The following INPP5J variants were observed in gnomAD, a reference collection of about 807,000 sequenced individuals.
The protein encoded by INPP5J is phosphatidylinositol 4,5-bisphosphate 5-phosphatase A.
A neutral mutation model predicts 86.6 loss-of-function variants in INPP5J; 75 were observed. The ratio of observed to expected loss-of-function variants is 0.87; its 90% CI spans 0.72 to 1.05. The LOEUF (loss-of-function observed/expected upper bound fraction) is 1.05, where lower values mean the gene tolerates loss of function less well. Ranked by LOEUF, INPP5J falls within the 50% of genes least tolerant of loss-of-function variation. INPP5J has a pLI of 0.00. For missense variants in INPP5J, 1,229 were observed against 1,341.2 expected, an observed-to-expected ratio of 0.92 and a Z score of 1.31; for synonymous variants, 540 against 550.0, an observed-to-expected ratio of 0.98 and a Z score of 0.25.
chr22:31,134,396 G>C lies in INPP5J; in HGVS notation c.2998G>C (p.Glu1000Gln), dbSNP rs1265739777. The change falls in exon 13 of 13, where the codon GAG becomes CAG. Residue 1000 changes from glutamate to glutamine, a missense_variant. Transcript: ENST00000331075. Reference sequence around the variant, plus strand: ...TAGTCCCCAGGGCCATCGGGGGCTGGAGGAAGGGGGCCTGGGGCCCTGAGG... The same window carrying C: ...TAGTCCCCAGGGCCATCGGGGGCTGCAGGAAGGGGGCCTGGGGCCCTGAGG... The part of the protein sequence containing the change: ...SPSPQGHRGL[E>Q]EGGLGP 4.1e-6 allele frequency: 6 copies of C among 1,469,546 alleles called. No homozygotes were observed. In the South Asian group the frequency reaches 7.0e-5, roughly 17 times the overall value. 91.0% of individuals were successfully genotyped at this position (1,469,546 alleles called of 1,614,324 possible).
chr22:31,134,297 G>T lies in INPP5J; in HGVS notation c.2899G>T (p.Glu967Ter), dbSNP rs776736541. 6.4e-6 allele frequency: 10 copies of T among 1,555,468 alleles called. No individual in the cohort carries two copies. Among genetic ancestry groups the T allele is most frequent in the Non-Finnish European group, 7.8e-6 (9 of 1,150,408 alleles). ...SLGLLPALRL[E>*]TVDPGGGGSW... ...GGGCCTGTTGCCCGCCTTGCGCCTA[G>T]AGACTGTAGACCCTGGTGGTGGTGG... The change falls in exon 13 of 13, where the codon GAG (glutamate) becomes TAG (stop). Residue 967 changes from glutamate (E) to a stop codon, truncating the protein, a stop_gained. Transcript: ENST00000331075. LOFTEE classifies it high-confidence loss of function.
At chr22:31,130,249 A>G (rs1210722138) in intron 9 of INPP5J, among the ~76,000 whole-genome samples, 5 of 152,136 alleles carry the variant, frequency 3.3e-5, no homozygotes, top group Non-Finnish European at 7.4e-5. Context: ...GCTGAGGCAC[A>G]AGAATCACTT....
chr22:31,126,434 C>T lies in INPP5J; in HGVS notation c.1330C>T (p.Leu444Phe). The T allele has an allele frequency of 6.2e-7, 1 of 1,613,884 alleles. No homozygotes were observed. The highest frequency in any genetic ancestry group is 8.5e-7 in the Non-Finnish European group (1 of 1,179,852). The change falls in exon 3 of 13, where the codon CTC (leucine) becomes TTC (phenylalanine). Residue 444 changes from leucine to phenylalanine, a missense_variant. Leu to Phe is a conservative substitution (Grantham distance 22, BLOSUM62 0). Transcript: ENST00000331075. ...CATGCCCCCAGACGATGTCACATCC[C>T]TCCTCCACCTGGGCGGTGGTGACGA... Reference protein sequence around the residue: ...TAMPPDDVTSLLHLGGGDDSD... With the variant: ...TAMPPDDVTSFLHLGGGDDSD...
intron 9 of INPP5J, among the ~76,000 whole-genome samples, chr22:31,131,818 C>T (rs778241901): frequency 2.0e-5 from 3 of 152,148 alleles, no homozygotes; most frequent in Admixed American, 6.5e-5. Flanking sequence ...TACCCTTGCC[C>T]GCCCCTGCTG....
rs267606225 is a variant in INPP5J, at chr22:31,128,153, C to G, written c.1900-61C>G. The G allele has an allele frequency of 2.4e-5, 35 of 1,442,538 alleles. No individual in the cohort carries two copies. The African/African-American group carries it at 4.6e-4, about 19-fold the overall frequency. 89.4% of individuals were successfully genotyped at this position (1,442,538 alleles called of 1,614,324 possible). ...GTCCCTGTCCTCACCTGCCCCACCC[C>G]CTCCCTGGGCACAGCAGAGCCCAAG... is the stretch of plus-strand genomic sequence containing the variant. On this transcript the variant is annotated intron_variant, in intron 7 of 12. Coordinates refer to ENST00000331075, the MANE Select transcript of INPP5J (RefSeq NM_001284285.2).
chr22:31,124,627 G>C (rs372293856), intron 1 of INPP5J, among the ~76,000 whole-genome samples: 37 of 152,160 alleles, frequency 2.4e-4, no homozygotes, highest in African/African-American at 8.9e-4. Flanking sequence ...CTGTGAAAGA[G>C]GTTTCAGACT....
Position 31,125,392 on chromosome 22 carries a change from T to G in INPP5J, c.653T>G (p.Leu218Arg). Residue 218 changes from leucine (L) to arginine (R), a missense_variant, in exon 2 of 13, where the codon CTG (leucine) becomes CGG (arginine). Physicochemically the swap from Leu to Arg is moderately radical, Grantham distance 102 (BLOSUM62 -2). Coordinates refer to ENST00000331075, the MANE Select transcript of INPP5J (RefSeq NM_001284285.2). The stretch of plus-strand genomic sequence containing the variant: ...CTGTCTCCAACTCAGGAACAGGCCC[T>G]GGCTCCAGCATCCACGGCATCAGGC... The part of the protein sequence containing the change: ...PVLSPTQEQA[L>R]APASTASGAA... The G allele has an allele frequency of 6.4e-7, 1 of 1,550,514 alleles. No homozygotes were observed.
In INPP5J at chr22:31,134,165, G is replaced by A. The variant is rs1411619785; in HGVS notation, c.2767G>A (p.Val923Met). 2 of 1,549,520 alleles carry A rather than the reference G, an allele frequency of 1.3e-6. No homozygotes were observed. Among genetic ancestry groups the A allele is most frequent in the African/African-American group, 1.4e-5 (1 of 73,162 alleles). Residue 923 changes from valine (V) to methionine (M), a missense_variant, in exon 13 of 13, where the codon GTG (valine) becomes ATG (methionine). Transcript: ENST00000331075. ...ACCCCAGAGCCGCCGCCTGTCCCGA[G>A]TGGCTCCTGACAGGAGCAGTAATGG... ...PSPQSRRLSR[V>M]APDRSSNGSS... is the part of the protein sequence containing the mutation.
rs1440144855 is a variant in INPP5J at position 31,123,109 on chromosome 22, C to T, written c.95C>T (p.Ala32Val). The change falls in exon 1 of 13, where the codon GCA becomes GTA. Residue 32 changes from alanine (A) to valine (V), a missense_variant. Transcript: ENST00000331075. ...PMPQGVAQTG[A>V]PSKVDSSFQL... The stretch of plus-strand genomic sequence containing the variant: ...CCCCAGGGTGTTGCCCAAACTGGGG[C>T]ACCCTCCAAGGTAAGACCCCTGAGA... 1.4e-6 allele frequency: 2 copies of T among 1,481,164 alleles called. No individual in the cohort carries two copies. The highest frequency in any genetic ancestry group is 2.7e-5 in the South Asian group (2 of 74,668). 91.8% of individuals were successfully genotyped at this position (1,481,164 alleles called of 1,614,324 possible). A position where few individuals can be genotyped will look rare whatever the true frequency, so the allele number is the denominator to read the frequency against.
chr22:31,133,521 G>T, intron 11 of INPP5J, 38 bp downstream of exon 11: 1 of 1,603,084 alleles, frequency 6.2e-7, no homozygotes, highest in South Asian at 1.1e-5. Flanking sequence ...GCAAGTCCTT[G>T]TTGCCTTTGG....
At position 31,125,619 on chromosome 22, in the gene INPP5J, G is replaced by T; in HGVS notation, c.880G>T (p.Asp294Tyr). The T allele has an allele frequency of 1.3e-6, 2 of 1,550,456 alleles. No homozygotes were observed. Among genetic ancestry groups the T allele is most frequent in the Non-Finnish European group, 1.7e-6 (2 of 1,146,962 alleles). ...TGAGGCCCTCCACAGCAGCCCTGAG[G>T]ATCCTGTTTTGCCACGGCCACCCCA... ...RPEALHSSPE[D>Y]PVLPRPPQTL... The change falls in exon 2 of 13, where the codon GAT becomes TAT. Residue 294 changes from aspartate to tyrosine, a missense_variant. By Grantham distance (160) the Asp-to-Tyr change is radical. Transcript: ENST00000331075.
rs183468690 is a variant in INPP5J at position 31,127,739 on chromosome 22, T to C, written c.1787+207T>C. The C allele has an allele frequency of 2.0e-5, 13 of 660,468 alleles. No homozygotes were observed. In the African/African-American group the frequency reaches 2.0e-4, roughly 10 times the overall value. The allele number at this position is 660,468 out of a possible 1,614,324, so 40.9% of individuals were successfully genotyped here. ...GGAGCTTTGCTGAGGGGCCCCGCCTTGCTGAAGGTCAGAACCTAATTTCCT... is the reference window on the plus strand; with the variant it reads ...GGAGCTTTGCTGAGGGGCCCCGCCTCGCTGAAGGTCAGAACCTAATTTCCT... On this transcript the variant is annotated intron_variant, in intron 6 of 12. Transcript: ENST00000331075.
At position 31,133,009 on chromosome 22, in the gene INPP5J, A is replaced by G. The variant is rs890188510; in HGVS notation, c.2194-89A>G. On this transcript the variant is annotated intron_variant, in intron 9 of 12. Transcript: ENST00000331075. ...GTAAAGTGGCCCTTTGTCTCAGGCAATTTGTGCTAAGACCCAAGAGCCTTA... is the reference window on the plus strand; with the variant it reads ...GTAAAGTGGCCCTTTGTCTCAGGCAGTTTGTGCTAAGACCCAAGAGCCTTA... 8.6e-6 allele frequency: 13 copies of G among 1,510,992 alleles called. No homozygotes were observed. In the African/African-American group the frequency reaches 1.4e-4, roughly 16 times the overall value. 93.6% of individuals were successfully genotyped at this position (1,510,992 alleles called of 1,614,324 possible).
rs1387033551 is a variant in INPP5J, at chr22:31,128,316, G to T, written c.2002G>T (p.Asp668Tyr). The change falls in exon 8 of 13, where the codon GAT (aspartate) becomes TAT (tyrosine). Residue 668 changes from aspartate to tyrosine, a missense_variant. Physicochemically the swap from Asp to Tyr is radical, Grantham distance 160. Transcript: ENST00000331075. ...FKFDVGTNKY[D>Y]TSAKKRKPAW... ...GTTTGATGTGGGTACCAACAAATAC[G>T]ATACCAGGTGAGCTCAGTCCGAGGA... 2 of 1,591,792 alleles carry T rather than the reference G, an allele frequency of 1.3e-6. No individual in the cohort carries two copies. The highest frequency in any genetic ancestry group is 1.7e-6 in the Non-Finnish European group (2 of 1,168,728).
chr22:31,126,866 C>T (rs898038944), intron 4 of INPP5J, 55 bp from the exon 5 acceptor site: 108 of 1,461,874 alleles, frequency 7.4e-5, no homozygotes, highest in Non-Finnish European at 9.6e-5. Flanking sequence ...TGAAGGTGGG[C>T]GCGAGGGCGG....
Position 31,125,597 on chromosome 22 carries a change from G to A in INPP5J, c.858G>A (p.Glu286=). ...RLSPSFRARP[E]ALHSSPEDPV... ...CCCCCTCCTTCCGAGCCCGGCCTGAGGCCCTCCACAGCAGCCCTGAGGATC... is the reference window on the plus strand; with the variant it reads ...CCCCCTCCTTCCGAGCCCGGCCTGAAGCCCTCCACAGCAGCCCTGAGGATC... Residue 286 remains glutamate (E), a synonymous_variant, in exon 2 of 13, where the codon GAG becomes GAA. Coordinates refer to ENST00000331075, the MANE Select transcript of INPP5J (RefSeq NM_001284285.2). 2 of 1,550,432 alleles carry A rather than the reference G, an allele frequency of 1.3e-6. No homozygotes were observed. Among genetic ancestry groups the A allele is most frequent in the East Asian group, 2.4e-5 (1 of 40,902 alleles).
At chr22:31,127,563 T>G (rs1343234432) in intron 6 of INPP5J, 31 bp downstream of exon 6, 2 of 1,590,706 alleles carry the variant, frequency 1.3e-6, no homozygotes, top group Admixed American at 3.5e-5. Context: ...AAATAGAGCT[T>G]GGGTGGGGCT....
chr22:31,127,162 C>T (rs1222814569), intron 5 of INPP5J, 125 bp downstream of exon 5: 3 of 814,222 alleles, frequency 3.7e-6, no homozygotes, highest in Non-Finnish European at 5.9e-6. Flanking sequence ...CCCAGCCCCC[C>T]CATGCACCAC....
intron 9 of INPP5J, among the ~76,000 whole-genome samples, chr22:31,130,453 G>T (rs1921964964): frequency 6.6e-6 from 1 of 151,932 alleles, no homozygotes; most frequent in Non-Finnish European, 1.5e-5. Context: ...GATCTAGTCT[G>T]CTGTGAGCTG....
Sources: allele counts gnomAD v4.1 joint callset (sites outside exome capture counted in the v4.1 genomes callset), GRCh38; gene constraint gnomAD v4.1.1; transcripts MANE v1.5; gene names NCBI Gene and HGNC (gene_info 2026-07-23, HGNC 2026-07-21).